SORCS1: variants seen among roughly 807,000 people sequenced by gnomAD.
The protein encoded by SORCS1 is sortilin related VPS10 domain containing receptor 1.
A neutral mutation model predicts 146.1 loss-of-function variants in SORCS1; 60 were observed. The observed-to-expected ratio is 0.41, with a 90% CI of 0.33 to 0.51. The LOEUF (loss-of-function observed/expected upper bound fraction) is 0.51. Among genes scored for constraint, SORCS1 ranks in the 20% least tolerant of loss-of-function variants. The probability of loss-of-function intolerance (pLI) is 0.21; values close to 1 mark genes in which losing one functional copy is unlikely to be tolerated. For missense variants in SORCS1, 1,352 were observed against 1,487.6 expected, an observed-to-expected ratio of 0.91 and a Z score of 1.50; for synonymous variants, 637 against 584.0, an observed-to-expected ratio of 1.09 and a Z score of -1.31.
At chr10:106,829,726 C>T in intron 2 of SORCS1, 53 bp from the exon 3 acceptor site, 1 of 1,395,854 alleles carries the variant, frequency 7.2e-7, no homozygotes, top group Non-Finnish European at 1.0e-6. Flanking sequence ...CATTTGGCTG[C>T]TTGTCAGTAT....
intron 2 of SORCS1, among the ~76,000 whole-genome samples, chr10:106,915,588 T>C (rs1463494841): frequency 6.6e-6 from 1 of 152,154 alleles, no homozygotes; most frequent in African/African-American, 2.4e-5. Context: ...TTGGAGTCAT[T>C]TCCATTCCTC....
rs994708912 is a variant in SORCS1 at position 106,822,802 on chromosome 10, T to TTG, written c.726+6771_726+6772insCA. Among the ~76,000 whole-genome samples the TTG allele has an allele frequency of 4.3e-5, 6 of 140,120 alleles. 1 individual carries two copies. Among genetic ancestry groups the TTG allele is most frequent in the African/African-American group, 1.1e-4 (4 of 35,144 alleles). 91.9% of individuals were successfully genotyped at this position (140,120 alleles called of 152,430 possible). ...GTGTGGTTTTTTTTTTTTTTTTTTTTGAATATTGCTCTGTTGTGCCCAGGC... is the reference window on the plus strand; with the variant it reads ...GTGTGGTTTTTTTTTTTTTTTTTTTTTGGAATATTGCTCTGTTGTGCCCAGGC... On this transcript the variant is annotated intron_variant, in intron 3 of 25. Coordinates refer to ENST00000263054, the MANE Select transcript of SORCS1 (RefSeq NM_052918.5).
In SORCS1 at chr10:107,085,119, T is replaced by C. The variant is rs376425091; in HGVS notation, c.558+78850A>G. 6.6e-5 allele frequency among the ~76,000 whole-genome samples: 10 copies of C among 152,270 alleles called. No homozygotes were observed. The East Asian group carries it at 1.5e-3, about 24-fold the overall frequency. On this transcript the variant is annotated intron_variant, in intron 1 of 25. Coordinates refer to ENST00000263054, the MANE Select transcript of SORCS1 (RefSeq NM_052918.5). Reference sequence around the variant, plus strand: ...ACAAGTACCTTAGCCTATTCACAATTGAAGAGAAAGAGACAGAGAGACACA... The same window carrying C: ...ACAAGTACCTTAGCCTATTCACAATCGAAGAGAAAGAGACAGAGAGACACA...
At chr10:107,148,926 G>A (rs913246258) in intron 1 of SORCS1, among the ~76,000 whole-genome samples, 1 of 152,166 alleles carries the variant, frequency 6.6e-6, no homozygotes, top group Non-Finnish European at 1.5e-5. Context: ...TTAAAATAAT[G>A]AAATTCCTAA....
At chr10:106,732,357 A>G (rs1185044349) in intron 5 of SORCS1, among the ~76,000 whole-genome samples, 1 of 152,186 alleles carries the variant, frequency 6.6e-6, no homozygotes, top group Non-Finnish European at 1.5e-5. Flanking sequence ...TGCAGCGACT[A>G]CTAGGCTTTG....
At chr10:106,670,695 C>CTT (rs1306157698) in intron 16 of SORCS1, among the ~76,000 whole-genome samples, 10 of 146,190 alleles carry the variant, frequency 6.8e-5, no homozygotes, top group African/African-American at 2.6e-4. Flanking sequence ...AGAATCTGCC[C>CTT]ATTTTTTTTT....
At chr10:107,008,837 A>T (rs1957563677) in intron 1 of SORCS1, among the ~76,000 whole-genome samples, 1 of 152,230 alleles carries the variant, frequency 6.6e-6, no homozygotes, top group South Asian at 2.1e-4. Flanking sequence ...CTCTACTAAA[A>T]ATACAAAAAA....
At chr10:106,610,242 C>T (rs1378454777) in intron 22 of SORCS1, among the ~76,000 whole-genome samples, 1 of 151,832 alleles carries the variant, frequency 6.6e-6, no homozygotes, top group South Asian at 2.1e-4. Flanking sequence ...AAGAGGATGG[C>T]CCTAGAGTGG....
chr10:106,783,193 G>C (rs1861028517), intron 3 of SORCS1, among the ~76,000 whole-genome samples: 1 of 152,184 alleles, frequency 6.6e-6, no homozygotes, highest in South Asian at 2.1e-4. Context: ...TTGAGCTGTT[G>C]TGTATCAGGC....
At chr10:107,135,119 C>T (rs1967173476) in intron 1 of SORCS1, among the ~76,000 whole-genome samples, 2 of 152,104 alleles carry the variant, frequency 1.3e-5, no homozygotes, top group African/African-American at 4.8e-5. Context: ...TGGGAAAGAA[C>T]AAATACATGG....
intron 3 of SORCS1, 93 bp downstream of exon 3, chr10:106,829,481 A>C (rs1255564214): frequency 2.6e-6 from 2 of 783,358 alleles, no homozygotes; most frequent in African/African-American, 1.7e-5. Context: ...TCCCAGATTA[A>C]CTGTAATGGA....
intron 5 of SORCS1, among the ~76,000 whole-genome samples, chr10:106,742,866 A>C (rs1439282379): frequency 6.6e-6 from 1 of 152,102 alleles, no homozygotes; most frequent in Non-Finnish European, 1.5e-5. Flanking sequence ...TACTACCTGT[A>C]CTTTGTTTGT....
At chr10:107,049,932 C>T (rs1033423259) in intron 1 of SORCS1, among the ~76,000 whole-genome samples, 52 of 152,260 alleles carry the variant, frequency 3.4e-4, no homozygotes, top group Admixed American at 1.4e-3. Flanking sequence ...AATTATTAAA[C>T]GAAACGTAAT....
rs117956496 is a variant in SORCS1, at chr10:106,783,435, C to T, written c.727-6743G>A. On this transcript the variant is annotated intron_variant, in intron 3 of 25. Transcript: ENST00000263054. ...ACTGTTAAGTTTTGTGCAAATATTG[C>T]GTTTACCTCACAAAGGATGACATAT... 1.8e-3 allele frequency among the ~76,000 whole-genome samples: 277 copies of T among 152,104 alleles called. 5 individuals are homozygous for T. In the East Asian group the frequency reaches 0.026, roughly 15 times the overall value.
intron 2 of SORCS1, among the ~76,000 whole-genome samples, chr10:106,852,848 T>C (rs1167229770): frequency 6.6e-6 from 1 of 152,192 alleles, no homozygotes; most frequent in African/African-American, 2.4e-5. Flanking sequence ...CACTTGGTCA[T>C]GATGCACAAT....
intron 2 of SORCS1, among the ~76,000 whole-genome samples, chr10:106,832,975 A>T (rs940255259): frequency 1.3e-5 from 2 of 152,180 alleles, no homozygotes; most frequent in African/African-American, 2.4e-5. Context: ...TAAGGATGCT[A>T]CATACAATCA....
rs144542209 is a variant in SORCS1, at chr10:106,620,947, T to C, written c.2663-386A>G. Reference sequence around the variant, plus strand: ...TCATGAAGACCTCATAGAATCCATATTGATGAAGGGTGAATGGACAAATCT... The same window carrying C: ...TCATGAAGACCTCATAGAATCCATACTGATGAAGGGTGAATGGACAAATCT... On this transcript the variant is annotated intron_variant, in intron 19 of 25. Transcript: ENST00000263054. Among the ~76,000 whole-genome samples, 594 of 152,288 alleles carry C rather than the reference T, an allele frequency of 3.9e-3. 2 individuals carry two copies. The highest frequency in any genetic ancestry group is 0.013 in the African/African-American group (555 of 41,546).
intron 23 of SORCS1, among the ~76,000 whole-genome samples, chr10:106,603,086 A>G (rs116091003): frequency 6.6e-4 from 100 of 152,216 alleles, no homozygotes; most frequent in African/African-American, 2.3e-3. Flanking sequence ...ATCCTGAAAG[A>G]CAACACACCT....
chr10:106,737,708 ACC>A (rs1564914850), intron 5 of SORCS1, among the ~76,000 whole-genome samples: 6 of 151,456 alleles, frequency 4.0e-5, no homozygotes, highest in South Asian at 2.1e-4. Context: ...ACCCACCCCC[ACC>A]AAAAAAGGAT....
Sources: gnomAD v4.1 joint callset for allele counts (sites outside exome capture counted in the v4.1 genomes callset) on GRCh38, gnomAD v4.1.1 for gene constraint, MANE v1.5 for transcripts, NCBI Gene and HGNC (gene_info 2026-07-23, HGNC 2026-07-21) for gene names.